Variants in FGF14 observed in about 807,000 individuals in gnomAD.
FGF14 encodes the protein fibroblast growth factor 14.
In FGF14, 5 loss-of-function variants were observed where a neutral mutation model predicts 25.5. The observed-to-expected ratio is 0.20, with a 90% CI of 0.10 to 0.41. The LOEUF is 0.41. Among genes scored for constraint, FGF14 ranks in the 10% least tolerant of loss-of-function variants. The pLI is 1.00. For synonymous variants in FGF14, 138 were observed against 118.3 expected (o/e 1.17, Z -1.08); for missense variants, 222 against 320.1 (o/e 0.69, Z 2.34).
At chr13:101,964,399 C>G (rs1167903993) in intron 1 of FGF14, among the ~76,000 whole-genome samples, 1 of 152,182 alleles carries the variant, frequency 6.6e-6, no homozygotes, top group Non-Finnish European at 1.5e-5. Flanking sequence ...ACTTGCCAAA[C>G]AGGATTTCTG....
intron 1 of FGF14, among the ~76,000 whole-genome samples, chr13:102,361,436 A>G (rs1179343599): frequency 6.6e-6 from 1 of 152,220 alleles, no homozygotes; most frequent in Non-Finnish European, 1.5e-5. Context: ...GGTGCTTAAG[A>G]TGTAGACTGG....
At chr13:101,875,092 G>A (rs2045321952) in intron 2 of FGF14, 94 bp downstream of exon 2, 11 of 857,768 alleles carry the variant, frequency 1.3e-5, no homozygotes, top group South Asian at 5.5e-5. Context: ...GAACCAACAC[G>A]ACCAAACATT....
At chr13:102,066,450 C>G (rs1389212785) in intron 1 of FGF14, among the ~76,000 whole-genome samples, 1 of 152,118 alleles carries the variant, frequency 6.6e-6, no homozygotes, top group Non-Finnish European at 1.5e-5. Flanking sequence ...AATAACAATA[C>G]TTTTCACCAA....
intron 1 of FGF14, among the ~76,000 whole-genome samples, chr13:102,151,992 G>C (rs914547780): frequency 3.3e-5 from 5 of 152,130 alleles, no homozygotes; most frequent in African/African-American, 4.8e-5. Flanking sequence ...GAGATTTCCA[G>C]GAAGTTGATG....
chr13:102,186,528 T>C (rs1487446145), intron 1 of FGF14, among the ~76,000 whole-genome samples: 1 of 152,148 alleles, frequency 6.6e-6, no homozygotes, highest in Non-Finnish European at 1.5e-5. Flanking sequence ...ATCAATAACA[T>C]TGATGTGAAT....
Position 101,804,842 on chromosome 13 carries a change from A to G in FGF14, c.408+63883T>C, listed in dbSNP as rs9652096. On this transcript the variant is annotated intron_variant, in intron 3 of 4. Coordinates refer to ENST00000376143, the MANE Select transcript of FGF14 (RefSeq NM_004115.4). ...CGCATTTAAGAAAATTATATCTTTG[A>G]TGGTTCCCTCATTAATGGTGCCTGG... 3.3e-3 allele frequency among the ~76,000 whole-genome samples: 500 copies of G among 152,202 alleles called. 5 individuals carry two copies. The highest frequency in any genetic ancestry group is 0.012 in the African/African-American group (488 of 41,532).
intron 1 of FGF14, among the ~76,000 whole-genome samples, chr13:102,065,156 C>T (rs1439651797): frequency 6.6e-6 from 1 of 151,922 alleles, no homozygotes; most frequent in South Asian, 2.1e-4. Flanking sequence ...TCTATTAAGC[C>T]TGGATAGATT....
At chr13:102,145,392 T>C (rs907451527) in intron 1 of FGF14, among the ~76,000 whole-genome samples, 1 of 152,152 alleles carries the variant, frequency 6.6e-6, no homozygotes, top group Admixed American at 6.6e-5. Context: ...GAAGCCAACA[T>C]ACCCATGGTG....
At chr13:101,887,379 T>C in intron 1 of FGF14, among the ~76,000 whole-genome samples, 1 of 151,640 alleles carries the variant, frequency 6.6e-6, no homozygotes, top group East Asian at 1.9e-4. Context: ...TGCACATATA[T>C]AATGGAATTT....
chr13:102,230,252 T>G (rs9557842), intron 1 of FGF14, among the ~76,000 whole-genome samples: 30,774 of 152,092 alleles, frequency 0.2, 3,464 homozygotes, highest in Non-Finnish European at 0.26. Context: ...GACTTCCCAG[T>G]CTCTAGAACT....
intron 3 of FGF14, among the ~76,000 whole-genome samples, chr13:101,731,195 T>C (rs1279830143): frequency 6.6e-6 from 1 of 152,150 alleles, no homozygotes; most frequent in African/African-American, 2.4e-5. Flanking sequence ...TACAGTTGGA[T>C]AATACAATTA....
In FGF14 at chr13:101,793,001, C is replaced by A. The variant is rs184060695; in HGVS notation, c.409-66191G>T. On this transcript the variant is annotated intron_variant, in intron 3 of 4. Transcript: ENST00000376143. ...CTTATCCATCACCTCAAATATTTGA[C>A]ATTTTCTTGCAACAAAAACATTTCA... is the stretch of plus-strand genomic sequence containing the variant. 1.2e-4 allele frequency among the ~76,000 whole-genome samples: 18 copies of A among 152,132 alleles called. 1 individual carries two copies. Among genetic ancestry groups the A allele is most frequent in the Admixed American group, 9.2e-4 (14 of 15,256 alleles).
rs184504979 is a variant in FGF14, at chr13:101,905,670, C to G, written c.193+10783G>C. On this transcript the variant is annotated intron_variant, in intron 1 of 4. Transcript: ENST00000376143. The stretch of plus-strand genomic sequence containing the variant: ...TACCTATGTAACAAAACTGCACATT[C>G]TGCACATGTACCCCGGAACTTAAAG... 2.5e-3 allele frequency among the ~76,000 whole-genome samples: 380 copies of G among 152,116 alleles called. 4 individuals carry two copies. Among genetic ancestry groups the G allele is most frequent in the African/African-American group, 8.7e-3 (360 of 41,508 alleles).
At chr13:102,111,492 A>G (rs1052988822) in intron 1 of FGF14, among the ~76,000 whole-genome samples, 1 of 152,200 alleles carries the variant, frequency 6.6e-6, no homozygotes, top group African/African-American at 2.4e-5. Flanking sequence ...AGGCAGGTAG[A>G]TTGCTAGAGC....
At chr13:102,298,865 C>T (rs946115543) in intron 1 of FGF14, among the ~76,000 whole-genome samples, 3 of 152,110 alleles carry the variant, frequency 2.0e-5, no homozygotes, top group African/African-American at 4.8e-5. Flanking sequence ...TTAAGTGACT[C>T]TATTTTCTAA....
At chr13:101,769,746 T>A (rs977999647) in intron 3 of FGF14, among the ~76,000 whole-genome samples, 1 of 152,120 alleles carries the variant, frequency 6.6e-6, no homozygotes, top group Non-Finnish European at 1.5e-5. Context: ...CATGACATAC[T>A]GTAAAAGGCA....
chr13:102,247,280 T>C (rs1265105397), intron 1 of FGF14, among the ~76,000 whole-genome samples: 8 of 151,818 alleles, frequency 5.3e-5, no homozygotes, highest in Admixed American at 1.3e-4. Flanking sequence ...AAAGAAAATA[T>C]CAACAGAGTG....
chr13:102,169,919 T>G (rs2048178811), intron 1 of FGF14, among the ~76,000 whole-genome samples: 1 of 152,108 alleles, frequency 6.6e-6, no homozygotes. Flanking sequence ...TTTTTTTCAG[T>G]TTTATGTTAA....
At chr13:102,327,356 T>C (rs1216404959) in intron 1 of FGF14, among the ~76,000 whole-genome samples, 2 of 152,252 alleles carry the variant, frequency 1.3e-5, no homozygotes, top group African/African-American at 2.4e-5. Context: ...AAGTCACCAC[T>C]AATTATTATT....
Sources: allele counts gnomAD v4.1 joint callset (sites outside exome capture counted in the v4.1 genomes callset), GRCh38; gene constraint gnomAD v4.1.1; transcripts MANE v1.5; gene names NCBI Gene and HGNC (gene_info 2026-07-23, HGNC 2026-07-21).